Variants in AKAP13 observed in about 807,000 individuals in gnomAD.
AKAP13 encodes A-kinase anchor protein 13.
In AKAP13, 80 loss-of-function variants were observed where a neutral mutation model predicts 264.5. The ratio of observed to expected loss-of-function variants is 0.30; its 90% CI spans 0.25 to 0.36. The LOEUF (loss-of-function observed/expected upper bound fraction) is 0.36, where lower values mean the gene tolerates loss of function less well. AKAP13 is among the 10% of genes least tolerant of loss of function. AKAP13 has a pLI of 1.00. For missense variants in AKAP13, 3,712 were observed against 3,435.2 expected, an observed-to-expected ratio of 1.08 and a Z score of -2.01; for synonymous variants, 1,380 against 1,250.2, an observed-to-expected ratio of 1.10 and a Z score of -2.19.
chr15:85,443,859 C>G (rs1043622197), intron 1 of AKAP13, among the ~76,000 whole-genome samples: 10 of 151,816 alleles, frequency 6.6e-5, no homozygotes, highest in Admixed American at 6.6e-4. Context: ...TTATGACTGT[C>G]AAGGCTACTT....
At chr15:85,666,039 C>T (rs1203342388) in intron 13 of AKAP13, among the ~76,000 whole-genome samples, 2 of 152,048 alleles carry the variant, frequency 1.3e-5, no homozygotes, top group African/African-American at 2.4e-5. Context: ...GGGTATATAC[C>T]CAGTAATGGG....
chr15:85,477,320 T>C (rs2075199012), intron 1 of AKAP13, among the ~76,000 whole-genome samples: 1 of 151,852 alleles, frequency 6.6e-6, no homozygotes, highest in South Asian at 2.1e-4. Context: ...CAGTGAGTCC[T>C]CCTTGGGGAA....
In AKAP13 at chr15:85,655,604, G is replaced by A. The variant is rs367876857; in HGVS notation, c.4562G>A (p.Arg1521Gln). 63 of 1,613,452 alleles carry A rather than the reference G, an allele frequency of 3.9e-5. No individual in the cohort carries two copies. Among genetic ancestry groups the A allele is most frequent in the Non-Finnish European group, 5.1e-5 (60 of 1,179,444 alleles). The change falls in exon 11 of 37, where the codon CGA (arginine) becomes CAA (glutamine). Residue 1521 changes from arginine to glutamine, a missense_variant. Arg to Gln is a conservative substitution (Grantham distance 43). Transcript: ENST00000394518. Reference sequence around the variant, plus strand: ...AGCCATGGGATGGGAGCTGAGGGTCGAGAAAGTGAGAGTGAGCCTGCTGAC... The same window carrying A: ...AGCCATGGGATGGGAGCTGAGGGTCAAGAAAGTGAGAGTGAGCCTGCTGAC... ...FYSHGMGAEG[R>Q]ESESEPADPG...
intron 1 of AKAP13, among the ~76,000 whole-genome samples, chr15:85,406,268 C>G (rs2071656973): frequency 6.6e-6 from 1 of 152,164 alleles, no homozygotes; most frequent in African/African-American, 2.4e-5. Context: ...TGTAAGTGTG[C>G]TTTACCATCC....
chr15:85,588,567 C>T (rs1267248370), intron 8 of AKAP13, among the ~76,000 whole-genome samples: 1 of 152,176 alleles, frequency 6.6e-6, no homozygotes, highest in Non-Finnish European at 1.5e-5. Flanking sequence ...AGGGATATCT[C>T]TATTCTAATG....
intron 2 of AKAP13, among the ~76,000 whole-genome samples, chr15:85,510,551 AATG>A (rs1217727405): frequency 2.0e-5 from 3 of 152,226 alleles, no homozygotes; most frequent in Non-Finnish European, 4.4e-5. Flanking sequence ...TATTTTAAAA[AATG>A]ATCCCAGTAA....
At chr15:85,519,110 T>C (rs1454039709) in intron 2 of AKAP13, among the ~76,000 whole-genome samples, 1 of 152,084 alleles carries the variant, frequency 6.6e-6, no homozygotes, top group Non-Finnish European at 1.5e-5. Context: ...TTTTTTTTCC[T>C]GTAAAAGTCC....
At chr15:85,508,715 G>GA (rs558689526) in intron 2 of AKAP13, among the ~76,000 whole-genome samples, 3,058 of 151,194 alleles carry the variant, frequency 0.02, 47 homozygotes, top group Non-Finnish European at 0.034. Flanking sequence ...AAAAGAAAAA[G>GA]AAAAAAAAAT....
intron 4 of AKAP13, chr15:85,535,929 A>G (rs1176681268): frequency 6.6e-6 from 1 of 151,670 alleles, no homozygotes; most frequent in African/African-American, 2.4e-5. Flanking sequence ...CCTCCCAAGT[A>G]GCTGGGAATA....
intron 17 of AKAP13, chr15:85,701,166 T>C (rs530698558): frequency 6.6e-6 from 1 of 152,220 alleles, no homozygotes; most frequent in African/African-American, 2.4e-5. Context: ...TAATAGTGTT[T>C]ATAAGTGGAA....
At chr15:85,383,272 T>G (rs2070385315) in intron 1 of AKAP13, among the ~76,000 whole-genome samples, 1 of 152,164 alleles carries the variant, frequency 6.6e-6, no homozygotes, top group East Asian at 1.9e-4. Flanking sequence ...TTAGAAATTT[T>G]AGAAAAAAGT....
intron 5 of AKAP13, among the ~76,000 whole-genome samples, chr15:85,562,803 C>CTGAATGTGAAAA (rs2078447919): frequency 7.0e-6 from 1 of 143,422 alleles, no homozygotes; most frequent in Non-Finnish European, 1.5e-5. Context: ...TCAAGCGATT[C>CTGAATGTGAAAA]TCCTGCCTCA....
intron 6 of AKAP13, among the ~76,000 whole-genome samples, chr15:85,575,691 CA>C (rs77263680): frequency 3.4e-4 from 46 of 134,696 alleles, no homozygotes; most frequent in South Asian, 7.1e-4. Flanking sequence ...GACTCCGTCT[CA>C]AAAAAAAAAA....
intron 8 of AKAP13, among the ~76,000 whole-genome samples, chr15:85,600,150 A>T (rs556987619): frequency 9.2e-5 from 14 of 152,260 alleles, no homozygotes; most frequent in Admixed American, 8.5e-4. Flanking sequence ...AAGGATAACT[A>T]AACATAAGCC....
At chr15:85,601,649 T>TGTGTGTGTGTGTGTGTG (rs1567149362) in intron 8 of AKAP13, among the ~76,000 whole-genome samples, 17 of 150,894 alleles carry the variant, frequency 1.1e-4, no homozygotes, top group South Asian at 4.2e-4. Context: ...TGTGTGTGTG[T>TGTGTGTGTGTGTGTGTG]TTTTCTTCCA....
intron 14 of AKAP13, among the ~76,000 whole-genome samples, chr15:85,680,423 C>T (rs947349059): frequency 1.3e-5 from 2 of 152,188 alleles, no homozygotes; most frequent in African/African-American, 4.8e-5. Context: ...ATCTTTCCCT[C>T]TTACCTGGCT....
chr15:85,741,528 G>T (rs770841969), intron 35 of AKAP13, 33 bp downstream of exon 35: 14 of 1,536,122 alleles, frequency 9.1e-6, no homozygotes, highest in Non-Finnish European at 9.6e-6. Context: ...GCAACCTAAT[G>T]ATGATATTAA....
chr15:85,521,396 A>G, intron 2 of AKAP13, 32 bp from the exon 3 acceptor site: 1 of 1,610,188 alleles, frequency 6.2e-7, no homozygotes, highest in Non-Finnish European at 8.5e-7. Context: ...AACCTTACTA[A>G]TGTAAACTTG....
intron 8 of AKAP13, among the ~76,000 whole-genome samples, chr15:85,639,068 T>G (rs1157643910): frequency 1.3e-5 from 2 of 152,208 alleles, no homozygotes; most frequent in African/African-American, 4.8e-5. Flanking sequence ...TATTTTAATA[T>G]TTAGTCAATT....
Sources: gnomAD v4.1 joint callset for allele counts (sites outside exome capture counted in the v4.1 genomes callset) on GRCh38, gnomAD v4.1.1 for gene constraint, MANE v1.5 for transcripts, NCBI Gene and HGNC (gene_info 2026-07-23, HGNC 2026-07-21) for gene names.